The following ST6GALNAC3 variants were observed in gnomAD, a reference collection of about 807,000 sequenced individuals.
ST6GALNAC3 encodes alpha-N-acetylgalactosaminide alpha-2,6-sialyltransferase 3.
In ST6GALNAC3, 25 loss-of-function variants were observed where a neutral mutation model predicts 32.7. The ratio of observed to expected loss-of-function variants is 0.76; its 90% CI spans 0.56 to 1.07. ST6GALNAC3 has a LOEUF of 1.07. Ranked by LOEUF, ST6GALNAC3 falls within the 50% of genes least tolerant of loss-of-function variation. The probability of loss-of-function intolerance (pLI) is 0.00; values close to 1 mark genes in which losing one functional copy is unlikely to be tolerated. For synonymous variants in ST6GALNAC3, 129 were observed against 133.1 expected (o/e 0.97, Z 0.21); for missense variants, 355 against 382.4 (o/e 0.93, Z 0.60).
At chr1:76,537,572 C>T (rs865860187) in intron 3 of ST6GALNAC3, among the ~76,000 whole-genome samples, 3 of 151,694 alleles carry the variant, frequency 2.0e-5, no homozygotes, top group East Asian at 3.9e-4. Flanking sequence ...ATTAGATAAA[C>T]TAATAAAGAG....
intron 3 of ST6GALNAC3, among the ~76,000 whole-genome samples, chr1:76,547,849 G>T (rs1286080964): frequency 7.7e-6 from 1 of 129,128 alleles, no homozygotes; most frequent in African/African-American, 2.9e-5. Context: ...GCGACAATGC[G>T]AGATTCTGTC....
intron 3 of ST6GALNAC3, among the ~76,000 whole-genome samples, chr1:76,545,804 G>GCC (rs564193455): frequency 6.6e-5 from 10 of 151,842 alleles, no homozygotes; most frequent in Admixed American, 2.6e-4. Context: ...TTACAGGCAT[G>GCC]CCCCCCCACA....
chr1:76,238,948 C>CTTTTTTT (rs35385527), intron 1 of ST6GALNAC3, among the ~76,000 whole-genome samples: 1 of 131,286 alleles, frequency 7.6e-6, no homozygotes. Context: ...TCCCACTAAC[C>CTTTTTTT]TTTTTTTTTT....
intron 2 of ST6GALNAC3, among the ~76,000 whole-genome samples, chr1:76,394,596 A>G (rs1219234219): frequency 1.3e-5 from 2 of 152,188 alleles, no homozygotes; most frequent in Non-Finnish European, 2.9e-5. Context: ...GGTGTTATCT[A>G]TACTTTTTCA....
intron 3 of ST6GALNAC3, among the ~76,000 whole-genome samples, chr1:76,531,785 G>A (rs1425168620): frequency 1.3e-5 from 2 of 152,132 alleles, no homozygotes; most frequent in Non-Finnish European, 2.9e-5. Flanking sequence ...TGACGTGGGA[G>A]GTCAAAGGTC....
intron 2 of ST6GALNAC3, among the ~76,000 whole-genome samples, chr1:76,365,217 T>A (rs2101062817): frequency 6.6e-6 from 1 of 152,272 alleles, no homozygotes; most frequent in Middle Eastern, 3.4e-3. Context: ...AGTGAAATAG[T>A]TCAGAAACTG....
intron 3 of ST6GALNAC3, among the ~76,000 whole-genome samples, chr1:76,414,594 A>G (rs1654487174): frequency 6.6e-6 from 1 of 152,116 alleles, no homozygotes; most frequent in African/African-American, 2.4e-5. Context: ...ATGAAGGAAA[A>G]TGTCAAACTT....
intron 1 of ST6GALNAC3, among the ~76,000 whole-genome samples, chr1:76,233,571 TCCTA>T (rs1313070942): frequency 1.3e-5 from 2 of 152,202 alleles, no homozygotes; most frequent in African/African-American, 4.8e-5. Context: ...CATTTATCCA[TCCTA>T]AATGGGCAGT....
chr1:76,083,356 C>T (rs1394963719), intron 1 of ST6GALNAC3, among the ~76,000 whole-genome samples: 4 of 152,246 alleles, frequency 2.6e-5, no homozygotes, highest in East Asian at 3.8e-4. Context: ...CGGCTGGCCG[C>T]GACAATGGGC....
intron 1 of ST6GALNAC3, among the ~76,000 whole-genome samples, chr1:76,177,448 G>A (rs1356350058): frequency 2.6e-5 from 4 of 152,010 alleles, no homozygotes; most frequent in Non-Finnish European, 4.4e-5. Flanking sequence ...GTTCTAATTG[G>A]TCTGTGTTTT....
At chr1:76,165,316 A>G (rs1388384737) in intron 1 of ST6GALNAC3, among the ~76,000 whole-genome samples, 6 of 152,242 alleles carry the variant, frequency 3.9e-5, no homozygotes, top group Admixed American at 2.6e-4. Flanking sequence ...AATGGCCTTC[A>G]GCTTCATTCA....
At chr1:76,605,056 A>G (rs1215207008) in intron 3 of ST6GALNAC3, among the ~76,000 whole-genome samples, 1 of 152,184 alleles carries the variant, frequency 6.6e-6, no homozygotes, top group Non-Finnish European at 1.5e-5. Context: ...ACATGAAATA[A>G]CATGTTCTGT....
chr1:76,241,577 T>A (rs983485470), intron 1 of ST6GALNAC3, among the ~76,000 whole-genome samples: 1 of 152,100 alleles, frequency 6.6e-6, no homozygotes, highest in African/African-American at 2.4e-5. Context: ...TCTCCAACAC[T>A]GGAGATGAAA....
At chr1:76,178,545 C>A (rs450636) in intron 1 of ST6GALNAC3, among the ~76,000 whole-genome samples, 21,171 of 152,080 alleles carry the variant, frequency 0.14, 1,729 homozygotes, top group Non-Finnish European at 0.19. Flanking sequence ...TTCAGTGCCT[C>A]GGATGTGGGC....
intron 2 of ST6GALNAC3, among the ~76,000 whole-genome samples, chr1:76,372,851 G>T (rs897160146): frequency 1.3e-4 from 20 of 152,266 alleles, no homozygotes; most frequent in Admixed American, 1.2e-3. Context: ...CCTCACAAAA[G>T]GGATAGAAGT....
At chr1:76,182,286 TG>T (rs965641104) in intron 1 of ST6GALNAC3, among the ~76,000 whole-genome samples, 61 of 152,202 alleles carry the variant, frequency 4.0e-4, no homozygotes, top group African/African-American at 1.4e-3. Flanking sequence ...CTCTTTGCAC[TG>T]GGCAGCCACT....
In ST6GALNAC3 at chr1:76,103,615, A is replaced by G. The variant is rs558409227; in HGVS notation, c.18+28731A>G. Among the ~76,000 whole-genome samples the G allele has an allele frequency of 2.4e-4, 36 of 152,304 alleles. No homozygotes were observed. In the East Asian group the frequency reaches 6.4e-3, roughly 27 times the overall value. ...TGGGTAGCCTAGACAACAGAAATGTATTCTCTCACTGTTCAGGAGGCTGGA... is the reference window on the plus strand; with the variant it reads ...TGGGTAGCCTAGACAACAGAAATGTGTTCTCTCACTGTTCAGGAGGCTGGA... On this transcript the variant is annotated intron_variant, in intron 1 of 4. Coordinates refer to ENST00000328299, the MANE Select transcript of ST6GALNAC3 (RefSeq NM_152996.4).
chr1:76,421,992 C>T (rs1421900282), intron 3 of ST6GALNAC3, among the ~76,000 whole-genome samples: 3 of 151,848 alleles, frequency 2.0e-5, no homozygotes, highest in African/African-American at 7.2e-5. Flanking sequence ...TTTTCCTTAC[C>T]TTGTTCTATT....
At chr1:76,423,681 T>C (rs1283214704) in intron 3 of ST6GALNAC3, among the ~76,000 whole-genome samples, 3 of 152,014 alleles carry the variant, frequency 2.0e-5, no homozygotes, top group African/African-American at 7.2e-5. Context: ...ACTAAAGTTA[T>C]TACTAGATAA....
Sources: gnomAD v4.1 joint callset for allele counts (sites outside exome capture counted in the v4.1 genomes callset) on GRCh38, gnomAD v4.1.1 for gene constraint, MANE v1.5 for transcripts, NCBI Gene and HGNC (gene_info 2026-07-23, HGNC 2026-07-21) for gene names.